The following EPB41L4A variants were observed in gnomAD, a reference collection of about 807,000 sequenced individuals.
EPB41L4A encodes erythrocyte membrane protein band 4.1 like 4A, also known as band 4.1-like protein 4A.
EPB41L4A carries 100 observed loss-of-function variants against 108.6 expected under a neutral mutation model. The observed-to-expected ratio is 0.92, with a 90% CI of 0.78 to 1.09. The LOEUF (loss-of-function observed/expected upper bound fraction) is 1.09. EPB41L4A is among the 50% of genes least tolerant of loss of function. The pLI, the probability that EPB41L4A is intolerant of heterozygous loss-of-function variation, is 0.00. For synonymous variants in EPB41L4A, 319 were observed against 289.0 expected (o/e 1.10, Z -1.05); for missense variants, 1,030 against 842.7 (o/e 1.22, Z -2.75).
intron 1 of EPB41L4A, among the ~76,000 whole-genome samples, chr5:112,336,406 G>A (rs1756925161): frequency 6.6e-6 from 1 of 152,174 alleles, no homozygotes; most frequent in Admixed American, 6.5e-5. Flanking sequence ...TGAAATAGGA[G>A]GCCTGTGGCA....
chr5:112,220,823 T>C (rs1160329998), intron 12 of EPB41L4A, among the ~76,000 whole-genome samples: 1 of 152,190 alleles, frequency 6.6e-6, no homozygotes, highest in Non-Finnish European at 1.5e-5. Context: ...ATGTGATAGA[T>C]ATCCTGCTTT....
At chr5:112,399,163 T>C (rs779702784) in intron 1 of EPB41L4A, among the ~76,000 whole-genome samples, 6 of 152,122 alleles carry the variant, frequency 3.9e-5, no homozygotes, top group Non-Finnish European at 7.3e-5. Context: ...TCACCAGCTC[T>C]TTCCTTTCTC....
intron 12 of EPB41L4A, among the ~76,000 whole-genome samples, chr5:112,157,073 C>T (rs1295679881): frequency 6.6e-6 from 1 of 150,994 alleles, no homozygotes; most frequent in Non-Finnish European, 1.5e-5. Context: ...ATTGAGACAG[C>T]GTAATATTGA....
intron 4 of EPB41L4A, 150 bp from the exon 5 acceptor site, chr5:112,266,480 A>T: frequency 1.6e-6 from 1 of 607,172 alleles, no homozygotes; most frequent in South Asian, 2.1e-5. Context: ...TTGAGTGAAC[A>T]GGAACTACTT....
intron 2 of EPB41L4A, among the ~76,000 whole-genome samples, chr5:112,288,331 G>A (rs1479088063): frequency 6.6e-6 from 1 of 152,170 alleles, no homozygotes; most frequent in Non-Finnish European, 1.5e-5. Flanking sequence ...ACTTTTAGAA[G>A]AATTATACCA....
intron 1 of EPB41L4A, among the ~76,000 whole-genome samples, chr5:112,360,916 C>T (rs1758694029): frequency 6.6e-6 from 1 of 151,974 alleles, no homozygotes; most frequent in African/African-American, 2.4e-5. Flanking sequence ...AGTGTCTCTG[C>T]CCCGCCGCCA....
intron 9 of EPB41L4A, among the ~76,000 whole-genome samples, chr5:112,244,705 A>G (rs1215702320): frequency 6.6e-6 from 1 of 152,106 alleles, no homozygotes. Context: ...CTGCTCCTTT[A>G]TAGTATGTGT....
intron 1 of EPB41L4A, among the ~76,000 whole-genome samples, chr5:112,410,294 G>A (rs574467373): frequency 1.2e-4 from 19 of 152,232 alleles, no homozygotes; most frequent in African/African-American, 3.1e-4. Flanking sequence ...ACTGCCACTC[G>A]CAGCTAGGAA....
chr5:112,196,322 T>G (rs1580410346), intron 15 of EPB41L4A, among the ~76,000 whole-genome samples: 1 of 152,334 alleles, frequency 6.6e-6, no homozygotes, highest in South Asian at 2.1e-4. Flanking sequence ...TTTAAATAAG[T>G]TACTTTTCTA....
At chr5:112,226,140 G>A (rs1313996819) in intron 12 of EPB41L4A, among the ~76,000 whole-genome samples, 1 of 152,194 alleles carries the variant, frequency 6.6e-6, no homozygotes, top group African/African-American at 2.4e-5. Context: ...CAGAGACATG[G>A]TATTTCATGT....
intron 12 of EPB41L4A, among the ~76,000 whole-genome samples, chr5:112,152,825 A>C (rs1580326502): frequency 1.3e-5 from 2 of 152,362 alleles, no homozygotes; most frequent in South Asian, 4.1e-4. Flanking sequence ...CGAAGCAAAA[A>C]AAATTACCAG....
chr5:112,205,358 A>G (rs1401783117), intron 14 of EPB41L4A, 63 bp downstream of exon 14: 7 of 1,352,088 alleles, frequency 5.2e-6, no homozygotes, highest in Non-Finnish European at 7.4e-6. Flanking sequence ...CCTTTATTCA[A>G]TGAGCTGCAT....
At chr5:112,415,694 AAAC>A (rs1161480128) in intron 1 of EPB41L4A, among the ~76,000 whole-genome samples, 3 of 152,188 alleles carry the variant, frequency 2.0e-5, no homozygotes, top group African/African-American at 7.2e-5. Flanking sequence ...AACATTACTC[AAAC>A]AACTGAGACC....
In EPB41L4A at chr5:112,282,003, AAAAAT is replaced by A. The variant is rs1752994965; in HGVS notation, c.205-1685_205-1681del. On this transcript the variant is annotated intron_variant, in intron 2 of 22. Coordinates refer to ENST00000261486, the MANE Select transcript of EPB41L4A (RefSeq NM_022140.5). ...TATCTAAGTGTAGCAACTAAAAACTAAAAATAAAAACTAAAATGTTCATTATTCTG... is the reference window on the plus strand; with the variant it reads ...TATCTAAGTGTAGCAACTAAAAACTAAAAAACTAAAATGTTCATTATTCTG... Among the ~76,000 whole-genome samples, 3 of 152,182 alleles carry A rather than the reference AAAAAT, an allele frequency of 2.0e-5. No individual in the cohort carries two copies. The South Asian group carries it at 6.2e-4, about 32-fold the overall frequency.
At chr5:112,346,318 C>G (rs938729268) in intron 1 of EPB41L4A, among the ~76,000 whole-genome samples, 1 of 144,504 alleles carries the variant, frequency 6.9e-6, no homozygotes, top group South Asian at 2.3e-4. Context: ...CTCCGCCTCC[C>G]GGGTTCAAGC....
intron 9 of EPB41L4A, among the ~76,000 whole-genome samples, chr5:112,246,388 T>C (rs549857552): frequency 2.8e-4 from 43 of 152,266 alleles, no homozygotes; most frequent in Non-Finnish European, 3.7e-4. Flanking sequence ...TAACATGCTG[T>C]ACAGGTTGGC....
In EPB41L4A at chr5:112,195,732, T is replaced by C. The variant is rs1761935437; in HGVS notation, c.1377-24A>G. On this transcript the variant is annotated intron_variant, in intron 15 of 22. Coordinates refer to ENST00000261486, the MANE Select transcript of EPB41L4A (RefSeq NM_022140.5). Reference sequence around the variant, plus strand: ...TCCTGTGAAAACAAATGAAGACATTTAAGAAAACAGGAGATTATCAATTGG... The same window carrying C: ...TCCTGTGAAAACAAATGAAGACATTCAAGAAAACAGGAGATTATCAATTGG... The C allele has an allele frequency of 5.0e-6, 8 of 1,604,694 alleles. No homozygotes were observed. In the East Asian group the frequency reaches 1.8e-4, roughly 36 times the overall value.
chr5:112,358,173 A>G (rs1470049161), intron 1 of EPB41L4A, among the ~76,000 whole-genome samples: 1 of 152,236 alleles, frequency 6.6e-6, no homozygotes, highest in Non-Finnish European at 1.5e-5. Flanking sequence ...TTGGCAGCAG[A>G]TTGATTATAT....
chr5:112,146,317 A>T (rs907801571), intron 12 of EPB41L4A, among the ~76,000 whole-genome samples: 15 of 152,332 alleles, frequency 9.8e-5, no homozygotes, highest in African/African-American at 3.6e-4. Flanking sequence ...TCTCTAATGG[A>T]ACAGCTGCAA....
Sources: gnomAD v4.1 joint callset for allele counts (sites outside exome capture counted in the v4.1 genomes callset) on GRCh38, gnomAD v4.1.1 for gene constraint, MANE v1.5 for transcripts, NCBI Gene and HGNC (gene_info 2026-07-23, HGNC 2026-07-21) for gene names.